Variants in SBF2 observed in about 807,000 individuals in gnomAD.
SBF2 encodes myotubularin-related protein 13.
In SBF2, 112 loss-of-function variants were observed where a neutral mutation model predicts 225.2. The observed-to-expected ratio is 0.50, with a 90% CI of 0.43 to 0.58. The LOEUF is 0.58. SBF2 is among the 20% of genes least tolerant of loss of function. The pLI is 0.00. For synonymous variants in SBF2, 763 were observed against 773.3 expected (o/e 0.99, Z 0.22); for missense variants, 1,996 against 2,206.2 (o/e 0.90, Z 1.91).
intron 1 of SBF2, among the ~76,000 whole-genome samples, chr11:10,299,878 G>A (rs1443291711): frequency 3.9e-5 from 6 of 152,168 alleles, no homozygotes; most frequent in African/African-American, 9.7e-5. Context: ...TGTCTCTCCT[G>A]TCTTCAAACC....
At chr11:10,129,381 G>C in intron 2 of SBF2, among the ~76,000 whole-genome samples, 1 of 152,064 alleles carries the variant, frequency 6.6e-6, no homozygotes, top group Non-Finnish European at 1.5e-5. Flanking sequence ...GGGATTACAG[G>C]CATGAGCCAC....
At chr11:9,877,449 A>G (rs1247261783) in intron 17 of SBF2, among the ~76,000 whole-genome samples, 2 of 152,216 alleles carry the variant, frequency 1.3e-5, no homozygotes, top group African/African-American at 2.4e-5. Context: ...CACAATGTGC[A>G]GGTTTGTTAC....
At chr11:9,859,595 C>T (rs866138284) in intron 17 of SBF2, among the ~76,000 whole-genome samples, 1 of 152,100 alleles carries the variant, frequency 6.6e-6, no homozygotes, top group African/African-American at 2.4e-5. Context: ...AGTTTTCTTT[C>T]GAAGCAATTT....
chr11:10,115,921 C>T (rs1363926094), intron 2 of SBF2, among the ~76,000 whole-genome samples: 3 of 152,118 alleles, frequency 2.0e-5, no homozygotes, highest in African/African-American at 7.2e-5. Context: ...AATCCTAGCA[C>T]TTTGGGAGGC....
intron 1 of SBF2, among the ~76,000 whole-genome samples, chr11:10,240,441 C>T (rs998657514): frequency 6.6e-6 from 1 of 152,022 alleles, no homozygotes; most frequent in Non-Finnish European, 1.5e-5. Context: ...GTCTAGAGAA[C>T]AATAGCTGAA....
chr11:10,299,658 C>A (rs556436185), intron 1 of SBF2, among the ~76,000 whole-genome samples: 11 of 150,304 alleles, frequency 7.3e-5, no homozygotes, highest in African/African-American at 2.5e-4. Flanking sequence ...TGCTACTGAA[C>A]AGAGTGTATG....
Position 9,946,019 on chromosome 11 carries a change from G to T in SBF2, c.1860+15938C>A, listed in dbSNP as rs578090574. ...ATTAGCTCAGCCACAGTAGAAAGCAGTAAGAGATTTCTCAAAGAACTTAAA... is the reference window on the plus strand; with the variant it reads ...ATTAGCTCAGCCACAGTAGAAAGCATTAAGAGATTTCTCAAAGAACTTAAA... On this transcript the variant is annotated intron_variant, in intron 16 of 39. Transcript: ENST00000256190. 9.9e-5 allele frequency among the ~76,000 whole-genome samples: 15 copies of T among 152,274 alleles called. No individual in the cohort carries two copies. In the East Asian group the frequency reaches 2.9e-3, roughly 29 times the overall value.
chr11:10,049,418 C>T (rs1041954360), intron 2 of SBF2, among the ~76,000 whole-genome samples: 1 of 151,952 alleles, frequency 6.6e-6, no homozygotes, highest in African/African-American at 2.4e-5. Context: ...ACCAGCCTGG[C>T]CAACATGGTG....
chr11:10,296,434 A>G (rs993154110), upstream of SBF2, among the ~76,000 whole-genome samples: 10 of 151,968 alleles, frequency 6.6e-5, no homozygotes, highest in Non-Finnish European at 1.5e-5. Flanking sequence ...ACTCTCCTTT[A>G]TACCATCAAA....
chr11:10,008,762 G>T (rs984039954), intron 6 of SBF2, among the ~76,000 whole-genome samples: 2 of 152,202 alleles, frequency 1.3e-5, no homozygotes, highest in South Asian at 4.1e-4. Flanking sequence ...TTGAGCTGAG[G>T]GGGGCCTACA....
chr11:9,912,975 T>C (rs1862766518), intron 16 of SBF2, among the ~76,000 whole-genome samples: 1 of 152,196 alleles, frequency 6.6e-6, no homozygotes, highest in Non-Finnish European at 1.5e-5. Context: ...GGTAAAAATG[T>C]AAACAGGTAC....
chr11:10,062,120 G>A (rs188419431), intron 2 of SBF2, among the ~76,000 whole-genome samples: 6 of 152,272 alleles, frequency 3.9e-5, no homozygotes, highest in African/African-American at 1.4e-4. Context: ...ATGGTACTGG[G>A]ATAACTGGCT....
At chr11:9,933,450 AC>A (rs756716800) in intron 16 of SBF2, among the ~76,000 whole-genome samples, 4 of 152,202 alleles carry the variant, frequency 2.6e-5, no homozygotes, top group Non-Finnish European at 4.4e-5. Context: ...AGAAATCACA[AC>A]AAACTGTGTC....
intron 2 of SBF2, among the ~76,000 whole-genome samples, chr11:10,130,377 A>T (rs977422572): frequency 6.6e-6 from 1 of 152,018 alleles, no homozygotes; most frequent in Non-Finnish European, 1.5e-5. Context: ...AAAAAAAAAA[A>T]TTCAGTAGAT....
chr11:9,992,931 T>C, intron 11 of SBF2, 59 bp downstream of exon 11: 6 of 1,229,022 alleles, frequency 4.9e-6, no homozygotes, highest in Non-Finnish European at 7.0e-6. Flanking sequence ...AAAAACCAAG[T>C]AGTTTTATTA....
intron 16 of SBF2, chr11:9,958,964 A>T: frequency 1.4e-6 from 1 of 730,062 alleles, no homozygotes; most frequent in Non-Finnish European, 2.4e-6. Flanking sequence ...TGGATGTGGT[A>T]CTGCTGTTGC....
rs538021537 is a variant in SBF2 at position 9,810,413 on chromosome 11, A to G, written c.4156-1411T>C. On this transcript the variant is annotated intron_variant, in intron 30 of 39. Coordinates refer to ENST00000256190, the MANE Select transcript of SBF2 (RefSeq NM_030962.4). ...GTCCTTAATAAACAATTAAGGTATGAGAATAGTATATAGATTTTAAAACCA... is the reference window on the plus strand; with the variant it reads ...GTCCTTAATAAACAATTAAGGTATGGGAATAGTATATAGATTTTAAAACCA... 5.1e-4 allele frequency: 77 copies of G among 152,376 alleles called. 1 individual carries two copies. The highest frequency in any genetic ancestry group is 2.1e-3 in the South Asian group (10 of 4,828). 9.4% of individuals were successfully genotyped at this position (152,376 alleles called of 1,614,324 possible).
chr11:10,029,006 A>G (rs1472959492), intron 5 of SBF2, among the ~76,000 whole-genome samples: 1 of 152,154 alleles, frequency 6.6e-6, no homozygotes, highest in Admixed American at 6.5e-5. Context: ...AATGAGAAAG[A>G]TAGAAGAGAA....
chr11:9,788,895 G>A (rs193108323), intron 35 of SBF2, among the ~76,000 whole-genome samples: 30 of 151,786 alleles, frequency 2.0e-4, no homozygotes, highest in Admixed American at 1.6e-3. Flanking sequence ...GTGAGCCACC[G>A]CGCCAGGCTG....
Sources: allele counts gnomAD v4.1 joint callset (sites outside exome capture counted in the v4.1 genomes callset), GRCh38; gene constraint gnomAD v4.1.1; transcripts MANE v1.5; gene names NCBI Gene and HGNC (gene_info 2026-07-23, HGNC 2026-07-21).